NUMA1: variants seen among roughly 807,000 people sequenced by gnomAD.
NUMA1 encodes SP-H antigen.
NUMA1 carries 62 observed loss-of-function variants against 237.1 expected under a neutral mutation model. That is an observed-to-expected ratio of 0.26 (90% CI 0.21 to 0.32). NUMA1 has a LOEUF of 0.32. Among genes scored for constraint, NUMA1 ranks in the 10% least tolerant of loss-of-function variants. NUMA1 has a pLI of 1.00. For missense variants in NUMA1, 2,533 were observed against 2,666.5 expected (o/e 0.95, Z 1.10); for synonymous variants, 1,028 against 1,066.1 (o/e 0.96, Z 0.70).
chr11:72,015,491 G>C lies in NUMA1; in HGVS notation c.2012C>G (p.Ala671Gly). The C allele has an allele frequency of 6.2e-7, 1 of 1,612,852 alleles. No individual in the cohort carries two copies. Among genetic ancestry groups the C allele is most frequent in the Non-Finnish European group, 8.5e-7 (1 of 1,180,000 alleles). The stretch of plus-strand genomic sequence containing the variant: ...CTGCAACTCTAGCTCTGCAACCTGG[G>C]CCTGGGCCTCATGCTGTTCCTGGCG... ...TARQEQHEAQ[A>G]QVAELELQLR... Residue 671 changes from alanine to glycine, a missense_variant, in exon 15 of 27, where the codon GCC becomes GGC. By Grantham distance (60) the Ala-to-Gly change is moderately conservative. This residue lies in a region of NUMA1 where 1,414 missense variants were observed against 1,508.1 expected (regional missense o/e 0.94). Transcript: ENST00000393695. This position sits in a 1 kb window ranked among gnomAD's most constrained non-coding sequence, Gnocchi z 4.0.
intron 21 of NUMA1, 152 bp downstream of exon 21, chr11:72,007,037 G>C: frequency 1.1e-6 from 1 of 877,262 alleles, no homozygotes; most frequent in Non-Finnish European, 1.7e-6. Context: ...CCTTAACCAA[G>C]TCACTGCCCT....
Position 72,013,156 on chromosome 11 carries a change from C to G in NUMA1, c.4347G>C (p.Glu1449Asp). Residue 1449 changes from glutamate (E) to aspartate (D), a missense_variant, in exon 15 of 27, where the codon GAG becomes GAC. Glu to Asp is a conservative substitution (Grantham distance 45). Coordinates refer to ENST00000393695, the MANE Select transcript of NUMA1 (RefSeq NM_006185.4). The surrounding 1 kb of genome is among the most constrained non-coding windows in gnomAD (Gnocchi z 6.8). ...CCCGCTCACCCAGCCCCCGGTTCTCCTCTGCCAGCAGGCCATGCGCCTTCT... is the reference window on the plus strand; with the variant it reads ...CCCGCTCACCCAGCCCCCGGTTCTCGTCTGCCAGCAGGCCATGCGCCTTCT... ...MLKKAHGLLAEENRGLGERAN... is the reference protein window; with the variant it reads ...MLKKAHGLLADENRGLGERAN... 6.2e-7 allele frequency: 1 copy of G among 1,614,034 alleles called. No individual in the cohort carries two copies. The highest frequency in any genetic ancestry group is 8.5e-7 in the Non-Finnish European group (1 of 1,180,046).
At position 72,012,304 on chromosome 11, in the gene NUMA1, C is replaced by T. The variant is rs1956207358; in HGVS notation, c.4650+97G>A. On this transcript the variant is annotated intron_variant, in intron 16 of 26. Coordinates refer to ENST00000393695, the MANE Select transcript of NUMA1 (RefSeq NM_006185.4). ...CCCTGCCCCCTTCACAAACAGTTCA[C>T]AACAGGAGCTGGCGGAGGCAAGCTG... The T allele has an allele frequency of 1.7e-5, 20 of 1,185,956 alleles. No individual in the cohort carries two copies. The Admixed American group carries it at 2.6e-4, about 15-fold the overall frequency. 73.5% of individuals were successfully genotyped at this position (1,185,956 alleles called of 1,614,324 possible). A position where few individuals can be genotyped will look rare whatever the true frequency, so the allele number is the denominator to read the frequency against.
At chr11:72,079,879 C>G (rs1268654753) in intron 1 of NUMA1, among the ~76,000 whole-genome samples, 1 of 152,004 alleles carries the variant, frequency 6.6e-6, no homozygotes, top group Non-Finnish European at 1.5e-5. Context: ...CAGTCCAAGA[C>G]AACGCGCGCC....
intron 4 of NUMA1, among the ~76,000 whole-genome samples, chr11:72,028,981 C>A (rs2135512085): frequency 6.6e-6 from 1 of 152,264 alleles, no homozygotes; most frequent in East Asian, 1.9e-4. Flanking sequence ...AATGCAGAAG[C>A]CTCAGGATGG....
intron 20 of NUMA1, chr11:72,008,012 C>T (rs1040543714): frequency 2.3e-6 from 1 of 437,764 alleles, no homozygotes; most frequent in Non-Finnish European, 4.5e-6. Context: ...AACCCCAGCT[C>T]TACCACTGGG....
intron 1 of NUMA1, among the ~76,000 whole-genome samples, chr11:72,070,733 G>C (rs1054219442): frequency 2.6e-5 from 4 of 152,098 alleles, no homozygotes; most frequent in Admixed American, 2.6e-4. Context: ...CGTGCCACTG[G>C]ACTCCAGCCT....
chr11:72,015,845 A>G lies in NUMA1; in HGVS notation c.1658T>C (p.Val553Ala). The G allele has an allele frequency of 4.3e-6, 7 of 1,614,006 alleles. No individual in the cohort carries two copies. The highest frequency in any genetic ancestry group is 5.9e-6 in the Non-Finnish European group (7 of 1,180,004). Residue 553 changes from valine (V) to alanine (A), a missense_variant, in exon 15 of 27, where the codon GTG becomes GCG. Val to Ala is a moderately conservative substitution (Grantham distance 64). Coordinates refer to ENST00000393695, the MANE Select transcript of NUMA1 (RefSeq NM_006185.4). This position sits in a 1 kb window ranked among gnomAD's most constrained non-coding sequence, Gnocchi z 4.0. ...EQASQGLRHQ[V>A]EQLSSSLKQK... Reference sequence around the variant, plus strand: ...CTTCAGGCTACTGCTTAGCTGCTCCACCTGGTGGCGGAGGCCCTGGGAGGC... The same window carrying G: ...CTTCAGGCTACTGCTTAGCTGCTCCGCCTGGTGGCGGAGGCCCTGGGAGGC...
At chr11:72,075,926 T>C (rs1230879833) in intron 1 of NUMA1, among the ~76,000 whole-genome samples, 1 of 152,198 alleles carries the variant, frequency 6.6e-6, no homozygotes, top group Non-Finnish European at 1.5e-5. Context: ...AGACAGATCT[T>C]GAGTCCACAA....
chr11:72,019,769 T>C, intron 8 of NUMA1, 152 bp from the exon 9 acceptor site: 1 of 781,044 alleles, frequency 1.3e-6, no homozygotes, highest in East Asian at 3.2e-5. Context: ...GGGCAGAACC[T>C]GAAACCTGGT....
At chr11:72,057,742 TCAAAAAAAAA>T (rs1301958692) in intron 2 of NUMA1, among the ~76,000 whole-genome samples, 29 of 138,636 alleles carry the variant, frequency 2.1e-4, no homozygotes, top group African/African-American at 3.2e-4. Flanking sequence ...AGACACCGTC[TCAAAAAAAAA>T]CAAAAAAAAA....
intron 1 of NUMA1, among the ~76,000 whole-genome samples, chr11:72,073,506 A>G (rs1031764368): frequency 6.6e-6 from 1 of 152,182 alleles, no homozygotes; most frequent in Non-Finnish European, 1.5e-5. Flanking sequence ...ACCAATGACC[A>G]TGGCAAAGGG....
At chr11:72,007,526 C>A (rs1187014719) in intron 20 of NUMA1, 91 bp from the exon 21 acceptor site, 1 of 1,497,642 alleles carries the variant, frequency 6.7e-7, no homozygotes, top group South Asian at 1.2e-5. Flanking sequence ...CCCATCCTTA[C>A]TACAAGCAGA....
intron 2 of NUMA1, among the ~76,000 whole-genome samples, chr11:72,048,942 T>C (rs1042492949): frequency 6.6e-6 from 1 of 152,152 alleles, no homozygotes; most frequent in African/African-American, 2.4e-5. Context: ...CATGGCCTCA[T>C]TGTCCCTCTC....
At chr11:72,045,197 C>T (rs1941926545) in intron 2 of NUMA1, among the ~76,000 whole-genome samples, 1 of 149,688 alleles carries the variant, frequency 6.7e-6, no homozygotes, top group African/African-American at 2.5e-5. Flanking sequence ...GTCAGGTTTA[C>T]AAATTCAACT....
intron 22 of NUMA1, chr11:72,005,662 G>A (rs982650267): frequency 1.2e-5 from 6 of 504,448 alleles, no homozygotes; most frequent in Non-Finnish European, 2.1e-5. Flanking sequence ...ACAAATTAAG[G>A]ACCGGGAATT....
chr11:72,004,156 G>A, intron 25 of NUMA1, 57 bp from the exon 26 acceptor site: 2 of 1,603,092 alleles, frequency 1.2e-6, no homozygotes, highest in South Asian at 1.1e-5. Flanking sequence ...AGGCCAGCGT[G>A]CTGTGCCACG....
At chr11:72,023,694 G>A (rs1939205134) in intron 5 of NUMA1, among the ~76,000 whole-genome samples, 1 of 152,126 alleles carries the variant, frequency 6.6e-6, no homozygotes. Flanking sequence ...GTCTAAGGCT[G>A]GACAAGGGGA....
chr11:72,010,999 C>A, intron 16 of NUMA1, 145 bp from the exon 17 acceptor site: 1 of 744,812 alleles, frequency 1.3e-6, no homozygotes, highest in Admixed American at 2.1e-5. Context: ...CCTCCAATTA[C>A]GGAACAGCCT....
Sources: allele counts gnomAD v4.1 joint callset (sites outside exome capture counted in the v4.1 genomes callset), GRCh38; gene constraint gnomAD v4.1.1; regional missense constraint gnomAD v4.1.1; non-coding constraint Gnocchi (gnomAD v3.1); transcripts MANE v1.5; gene names NCBI Gene and HGNC (gene_info 2026-07-23, HGNC 2026-07-21).